The following DIP2B variants were observed in gnomAD, a reference collection of about 807,000 sequenced individuals.
DIP2B encodes the protein disco-interacting protein 2 homolog B.
Under a neutral mutation model 198.0 loss-of-function variants are expected in DIP2B, and 76 were observed. The ratio of observed to expected loss-of-function variants is 0.38; its 90% CI spans 0.32 to 0.46. The LOEUF is 0.46. DIP2B is among the 20% of genes least tolerant of loss of function. The pLI is 0.99. For missense variants in DIP2B, 1,559 were observed against 1,978.4 expected (o/e 0.79, Z 4.02); for synonymous variants, 701 against 739.1 (o/e 0.95, Z 0.84).
At position 50,699,409 on chromosome 12, in the gene DIP2B, T is replaced by C. The variant is rs144467598; in HGVS notation, c.2325+207T>C. On this transcript the variant is annotated intron_variant, in intron 19 of 37. Coordinates refer to ENST00000301180, the MANE Select transcript of DIP2B (RefSeq NM_173602.3). ...ACCTCCCTGTGCCCCAATTTCCTTA[T>C]CTTTAAAATGTAAGTAATAATTGTA... Among the ~76,000 whole-genome samples the C allele has an allele frequency of 4.6e-3, 699 of 152,280 alleles. 8 individuals carry two copies. The highest frequency in any genetic ancestry group is 0.016 in the African/African-American group (660 of 41,550).
At chr12:50,583,810 C>G (rs1958745941) in intron 1 of DIP2B, among the ~76,000 whole-genome samples, 1 of 152,094 alleles carries the variant, frequency 6.6e-6, no homozygotes, top group Non-Finnish European at 1.5e-5. Context: ...GTCAGTGACC[C>G]ACTTTTTTCT....
Position 50,745,574 on chromosome 12 carries a change from A to T in DIP2B, c.*735A>T, listed in dbSNP as rs1402017906. ...GGCAGGTTTTGCTGCACATTGTTCT[A>T]TGTCTTTGTTGGCTGGTGTATTTTA... On this transcript the variant is annotated 3_prime_UTR_variant, in exon 38 of 38. Coordinates refer to ENST00000301180, the MANE Select transcript of DIP2B (RefSeq NM_173602.3). The T allele has an allele frequency of 2.6e-5, 4 of 152,498 alleles. No homozygotes were observed. Among genetic ancestry groups the T allele is most frequent in the Non-Finnish European group, 5.9e-5 (4 of 68,024 alleles). The allele number at this position is 152,498 out of a possible 1,614,324, so 9.4% of individuals were successfully genotyped here.
chr12:50,667,199 TTGGTTATAGA>T (rs1264696051), intron 4 of DIP2B, among the ~76,000 whole-genome samples: 2 of 152,184 alleles, frequency 1.3e-5, no homozygotes, highest in Non-Finnish European at 2.9e-5. Flanking sequence ...TGTTTACTAA[TTGGTTATAGA>T]TGGATTGTAG....
At chr12:50,595,691 G>T (rs990874667) in intron 1 of DIP2B, among the ~76,000 whole-genome samples, 1 of 152,158 alleles carries the variant, frequency 6.6e-6, no homozygotes, top group Admixed American at 6.5e-5. Context: ...TGTTCCTCTA[G>T]AACAGTTTTC....
At chr12:50,740,324 G>A (rs2139607458) in intron 36 of DIP2B, among the ~76,000 whole-genome samples, 1 of 152,326 alleles carries the variant, frequency 6.6e-6, no homozygotes, top group South Asian at 2.1e-4. Flanking sequence ...AGCAGAGGGT[G>A]GCATCCCTGC....
chr12:50,625,883 A>G (rs1164018031), intron 1 of DIP2B, 93 bp from the exon 2 acceptor site: 3 of 1,284,232 alleles, frequency 2.3e-6, no homozygotes, highest in Non-Finnish European at 3.3e-6. Context: ...TATATGGGGT[A>G]GTTCTATAAC....
At chr12:50,742,419 A>AAAAAAAAC (rs1565888390) in intron 37 of DIP2B, among the ~76,000 whole-genome samples, 8 of 77,334 alleles carry the variant, frequency 1.0e-4, no homozygotes, top group African/African-American at 2.6e-4. Flanking sequence ...AAAAAAAAAA[A>AAAAAAAAC]AAACCACCTC....
At chr12:50,618,953 T>C (rs1190333832) in intron 1 of DIP2B, among the ~76,000 whole-genome samples, 2 of 152,204 alleles carry the variant, frequency 1.3e-5, no homozygotes, top group Non-Finnish European at 2.9e-5. Flanking sequence ...AAGGCAAAGA[T>C]ACTATTTTAT....
intron 1 of DIP2B, among the ~76,000 whole-genome samples, chr12:50,572,286 T>C (rs1475042480): frequency 6.6e-6 from 1 of 152,226 alleles, no homozygotes; most frequent in African/African-American, 2.4e-5. Context: ...GTTGAGTACA[T>C]GCCCTCCTCC....
chr12:50,548,384 G>A (rs1434847362), intron 1 of DIP2B, among the ~76,000 whole-genome samples: 1 of 152,034 alleles, frequency 6.6e-6, no homozygotes, highest in East Asian at 1.9e-4. Flanking sequence ...GTTTGTATTT[G>A]TATGCATACT....
rs900761569 is a variant in DIP2B at position 50,581,136 on chromosome 12, C to G, written c.101-44840C>G. Among the ~76,000 whole-genome samples, 22 of 149,484 alleles carry G rather than the reference C, an allele frequency of 1.5e-4. 1 individual carries two copies. The highest frequency in any genetic ancestry group is 4.9e-4 in the African/African-American group (20 of 40,864). On this transcript the variant is annotated intron_variant, in intron 1 of 37. Transcript: ENST00000301180. Reference sequence around the variant, plus strand: ...TACATTTGTGCTATAGGTCATGCCACATCATTACTTTCTGCATGTGAATGA... The same window carrying G: ...TACATTTGTGCTATAGGTCATGCCAGATCATTACTTTCTGCATGTGAATGA...
intron 29 of DIP2B, 47 bp downstream of exon 29, chr12:50,727,859 T>A (rs748441797): frequency 2.6e-6 from 4 of 1,512,476 alleles, no homozygotes. Flanking sequence ...AAAATAGAGA[T>A]GACCACTGCC....
intron 1 of DIP2B, among the ~76,000 whole-genome samples, chr12:50,544,858 C>A (rs1958362163): frequency 6.7e-6 from 1 of 148,616 alleles, no homozygotes; most frequent in Admixed American, 6.7e-5. Context: ...ACCTCATGAT[C>A]TGCCCGCCTT....
chr12:50,569,212 G>C (rs1319676701), intron 1 of DIP2B, among the ~76,000 whole-genome samples: 2 of 151,972 alleles, frequency 1.3e-5, no homozygotes, highest in Non-Finnish European at 2.9e-5. Context: ...TAATGGCATG[G>C]ATTTGTGGAA....
chr12:50,562,683 GC>G (rs1958529631), intron 1 of DIP2B, among the ~76,000 whole-genome samples: 1 of 151,694 alleles, frequency 6.6e-6, no homozygotes, highest in Non-Finnish European at 1.5e-5. Flanking sequence ...GCTGCAGTGA[GC>G]TGAGATCATG....
chr12:50,626,139 T>C (rs1196788978), intron 2 of DIP2B, 92 bp downstream of exon 2: 15 of 1,323,532 alleles, frequency 1.1e-5, no homozygotes, highest in Non-Finnish European at 1.5e-5. Context: ...TGTTCCTGTT[T>C]TTCCCTCCCT....
At position 50,718,725 on chromosome 12, in the gene DIP2B, C is replaced by T. The variant is rs758604385; in HGVS notation, c.2868C>T (p.Ser956=). The T allele has an allele frequency of 7.4e-6, 12 of 1,613,972 alleles. No individual in the cohort carries two copies. The highest frequency in any genetic ancestry group is 2.2e-5 in the East Asian group (1 of 44,890). Reference sequence around the variant, plus strand: ...TATTTACAGGTGTAGGCCCTGCTTCCGTGATGGTTGGGAATCTGGTTGCTG... The same window carrying T: ...TATTTACAGGTGTAGGCCCTGCTTCTGTGATGGTTGGGAATCTGGTTGCTG... The part of the protein sequence containing the change: ...RQKQPGVGPA[S]VMVGNLVAGK... Residue 956 remains serine, a synonymous_variant, in exon 24 of 38, where the codon TCC becomes TCT. Coordinates refer to ENST00000301180, the MANE Select transcript of DIP2B (RefSeq NM_173602.3).
At chr12:50,649,078 T>G (rs1938407785) in intron 3 of DIP2B, among the ~76,000 whole-genome samples, 2 of 152,122 alleles carry the variant, frequency 1.3e-5, no homozygotes, top group Non-Finnish European at 2.9e-5. Context: ...TGAAAAAAAC[T>G]TTAAAACCCT....
At chr12:50,647,216 A>G (rs931299374) in intron 3 of DIP2B, among the ~76,000 whole-genome samples, 2 of 151,898 alleles carry the variant, frequency 1.3e-5, no homozygotes, top group Non-Finnish European at 2.9e-5. Flanking sequence ...TGCCTGGATG[A>G]TTTTTGTATT....
Sources: gnomAD v4.1 joint callset for allele counts (sites outside exome capture counted in the v4.1 genomes callset) on GRCh38, gnomAD v4.1.1 for gene constraint, MANE v1.5 for transcripts, NCBI Gene and HGNC (gene_info 2026-07-23, HGNC 2026-07-21) for gene names.